Variants in SSH2 observed in about 807,000 individuals in gnomAD.
SSH2 encodes slingshot protein phosphatase 2.
A neutral mutation model predicts 135.2 loss-of-function variants in SSH2; 37 were observed. The ratio of observed to expected loss-of-function variants is 0.27; its 90% confidence interval spans 0.21 to 0.36. The LOEUF (loss-of-function observed/expected upper bound fraction) is 0.36, where lower values mean the gene tolerates loss of function less well. Ranked by LOEUF, SSH2 falls within the 10% of genes least tolerant of loss-of-function variation. The pLI is 1.00. For missense variants in SSH2, 1,408 were observed against 1,765.3 expected, an observed-to-expected ratio of 0.80 and a Z score of 3.63; for synonymous variants, 628 against 646.2, an observed-to-expected ratio of 0.97 and a Z score of 0.43.
At position 29,667,004 on chromosome 17, in the gene SSH2, A is replaced by C. The variant is rs766849503; in HGVS notation, c.904-9T>G. ...TCCAACTCTGTTCTTATCTGAAACA[A>C]AGATGATATATTGGACCCATCTCTT... On this transcript the variant is annotated splice_polypyrimidine_tract_variant and intron_variant, in intron 10 of 15. Coordinates refer to ENST00000540801, the MANE Select transcript of SSH2 (RefSeq NM_001282129.2). The C allele has an allele frequency of 4.3e-6, 7 of 1,614,108 alleles. No homozygotes were observed. Among genetic ancestry groups the C allele is most frequent in the Non-Finnish European group, 4.2e-6 (5 of 1,180,008 alleles).
intron 2 of SSH2, among the ~76,000 whole-genome samples, chr17:29,841,957 T>C (rs1300846499): frequency 7.0e-6 from 1 of 143,268 alleles, no homozygotes; most frequent in Non-Finnish European, 1.5e-5. Flanking sequence ...TGGTCTTGAA[T>C]TCCTGAGCTT....
At chr17:29,900,009 C>T (rs2066517373) in intron 1 of SSH2, among the ~76,000 whole-genome samples, 1 of 152,124 alleles carries the variant, frequency 6.6e-6, no homozygotes, top group Admixed American at 6.6e-5. Flanking sequence ...TTTGACAAAC[C>T]TGAGAAAAAC....
Position 29,709,039 on chromosome 17 carries a change from G to T in SSH2, c.189-5977C>A, listed in dbSNP as rs2039338747. On this transcript the variant is annotated intron_variant, in intron 3 of 15. Coordinates refer to ENST00000540801, the MANE Select transcript of SSH2 (RefSeq NM_001282129.2). ...ATAGAGAGAGAGAGAGAGAGAGAGA[G>T]AGAGAGAGAGAGAGCTAATAATAGC... Among the ~76,000 whole-genome samples, 3 of 147,008 alleles carry T rather than the reference G, an allele frequency of 2.0e-5. 1 individual carries two copies. The South Asian group carries it at 6.4e-4, about 31-fold the overall frequency.
At position 29,852,554 on chromosome 17, in the gene SSH2, AT is replaced by A. The variant is rs200843957; in HGVS notation, c.64-3626del. On this transcript the variant is annotated intron_variant, in intron 1 of 15. Transcript: ENST00000540801. ...TTTCCCTGCCTTCTGAAACCTGGTA[AT>A]TTTTTTTTTTTTTTGAGACGGAGTC... Among the ~76,000 whole-genome samples, 2,051 of 143,668 alleles carry A rather than the reference AT, an allele frequency of 0.014. 72 individuals are homozygous for A. In the East Asian group the frequency reaches 0.14, roughly 10 times the overall value. 94.3% of individuals were successfully genotyped at this position (143,668 alleles called of 152,430 possible).
Position 29,929,818 on chromosome 17 carries a change from C to A in SSH2, c.63+120G>T, listed in dbSNP as rs572385388. Reference sequence around the variant, plus strand: ...GGGGTGTGGGGGGGTTCGCGGCAGCCGAGTGCCAAGGCCTGGGAAGCGGCG... The same window carrying A: ...GGGGTGTGGGGGGGTTCGCGGCAGCAGAGTGCCAAGGCCTGGGAAGCGGCG... On this transcript the variant is annotated intron_variant, in intron 1 of 15. Coordinates refer to ENST00000540801, the MANE Select transcript of SSH2 (RefSeq NM_001282129.2). The A allele has an allele frequency of 3.8e-4, 340 of 903,052 alleles. 1 individual carries two copies. The African/African-American group carries it at 5.0e-3, about 13-fold the overall frequency. The allele number at this position is 903,052 out of a possible 1,614,324, so 55.9% of individuals were successfully genotyped here.
intron 1 of SSH2, among the ~76,000 whole-genome samples, chr17:29,873,990 T>C (rs1007616481): frequency 1.3e-5 from 2 of 152,082 alleles, no homozygotes; most frequent in Non-Finnish European, 2.9e-5. Context: ...AAGAAAGATA[T>C]TTTATTAAAG....
chr17:29,748,485 CTTAAATA>C (rs1244984131), intron 3 of SSH2, among the ~76,000 whole-genome samples: 2 of 151,956 alleles, frequency 1.3e-5, no homozygotes, highest in African/African-American at 4.8e-5. Flanking sequence ...TCGTACCTCT[CTTAAATA>C]TTAATATTAG....
At chr17:29,786,460 A>G (rs769505911) in intron 3 of SSH2, among the ~76,000 whole-genome samples, 9 of 152,174 alleles carry the variant, frequency 5.9e-5, no homozygotes, top group Non-Finnish European at 1.0e-4. Flanking sequence ...TTTTTGCCCC[A>G]TAAATCCCAT....
rs747308403 is a variant in SSH2 at position 29,630,945 on chromosome 17, C to T, written c.4249G>A (p.Ala1417Thr). The T allele has an allele frequency of 3.7e-6, 6 of 1,609,920 alleles. No individual in the cohort carries two copies. The South Asian group carries it at 6.6e-5, about 18-fold the overall frequency. ...CCGTGTTGCTGACGGGGTGCCACGG[C>T]CAGCCCTGGAGCTGGGCATGCACAC... ...LQCACPAPGL[A>T]VAPRQQHGRT... Residue 1417 changes from alanine to threonine, a missense_variant, in exon 16 of 16, where the codon GCC becomes ACC. Ala to Thr is a moderately conservative substitution (Grantham distance 58). Transcript: ENST00000540801.
chr17:29,793,899 G>A lies in SSH2; in HGVS notation c.183C>T (p.Pro61=). 5.6e-6 allele frequency: 9 copies of A among 1,613,062 alleles called. No individual in the cohort carries two copies. Among genetic ancestry groups the A allele is most frequent in the Non-Finnish European group, 7.6e-6 (9 of 1,179,300 alleles). The change falls in exon 3 of 16, where the codon CCC becomes CCT. Residue 61 remains proline, a synonymous_variant. Coordinates refer to ENST00000540801, the MANE Select transcript of SSH2 (RefSeq NM_001282129.2). ...DSGEEECRSQ[P]RSISESFLTV... ...GATATAATGAACAAACATACCTCCT[G>A]GGCTGTGACCGGCATTCTTCCTCCC...
chr17:29,704,086 T>A (rs1229363928), intron 3 of SSH2, among the ~76,000 whole-genome samples: 2 of 152,160 alleles, frequency 1.3e-5, no homozygotes, highest in African/African-American at 2.4e-5. Context: ...TAGCATACAG[T>A]AAAAAGCCCT....
At chr17:29,729,534 T>C (rs1012037114) in intron 3 of SSH2, among the ~76,000 whole-genome samples, 12 of 152,214 alleles carry the variant, frequency 7.9e-5, no homozygotes, top group Non-Finnish European at 1.8e-4. Context: ...ATCTCGTTGC[T>C]GGGCATATAC....
At chr17:29,929,016 G>A (rs2067124379) in intron 1 of SSH2, among the ~76,000 whole-genome samples, 1 of 152,024 alleles carries the variant, frequency 6.6e-6, no homozygotes, top group African/African-American at 2.4e-5. Flanking sequence ...TGCCCCACTG[G>A]TGCAATATAT....
intron 9 of SSH2, among the ~76,000 whole-genome samples, chr17:29,671,144 A>C (rs1469576828): frequency 6.6e-6 from 1 of 152,136 alleles, no homozygotes; most frequent in African/African-American, 2.4e-5. Context: ...GGTAGAGCAG[A>C]ATGACATCTG....
chr17:29,915,953 A>G (rs888917815), intron 1 of SSH2, among the ~76,000 whole-genome samples: 2 of 148,802 alleles, frequency 1.3e-5, no homozygotes, highest in African/African-American at 4.9e-5. Flanking sequence ...TACATTAGGT[A>G]TATCTCCTAA....
intron 1 of SSH2, among the ~76,000 whole-genome samples, chr17:29,877,175 T>A (rs1442917862): frequency 6.6e-6 from 1 of 152,040 alleles, no homozygotes; most frequent in Non-Finnish European, 1.5e-5. Flanking sequence ...CAATGAGATA[T>A]CATCTCATCC....
chr17:29,851,986 C>T (rs2151391108), intron 1 of SSH2, among the ~76,000 whole-genome samples: 1 of 152,038 alleles, frequency 6.6e-6, no homozygotes, highest in Non-Finnish European at 1.5e-5. Context: ...CTAGCTCTTT[C>T]AAAATGACCT....
chr17:29,689,608 G>A (rs1217495484), intron 5 of SSH2, among the ~76,000 whole-genome samples: 1 of 152,126 alleles, frequency 6.6e-6, no homozygotes, highest in African/African-American at 2.4e-5. Flanking sequence ...CTGCCTAAAT[G>A]TGGAATCCTA....
At chr17:29,899,711 A>C (rs1450815062) in intron 1 of SSH2, among the ~76,000 whole-genome samples, 1 of 152,206 alleles carries the variant, frequency 6.6e-6, no homozygotes, top group African/African-American at 2.4e-5. Context: ...TGCCCAAGGT[A>C]ATTTATAGAT....
Sources: allele counts gnomAD v4.1 joint callset (sites outside exome capture counted in the v4.1 genomes callset), GRCh38; gene constraint gnomAD v4.1.1; transcripts MANE v1.5; gene names NCBI Gene and HGNC (gene_info 2026-07-23, HGNC 2026-07-21).